TMX3: variants seen among roughly 807,000 people sequenced by gnomAD.
The protein encoded by TMX3 is protein disulfide-isomerase TMX3.
Under a neutral mutation model 64.4 loss-of-function variants are expected in TMX3, and 40 were observed. That is an observed-to-expected ratio of 0.62 (90% CI 0.48 to 0.81). The LOEUF (loss-of-function observed/expected upper bound fraction) is 0.81, where lower values mean the gene tolerates loss of function less well. Ranked by LOEUF, TMX3 falls within the 30% of genes least tolerant of loss-of-function variation. The pLI, the probability that TMX3 is intolerant of heterozygous loss-of-function variation, is 0.00. For synonymous variants in TMX3, 189 were observed against 175.7 expected (o/e 1.08, Z -0.60); for missense variants, 497 against 534.5 (o/e 0.93, Z 0.69).
intron 13 of TMX3, 152 bp downstream of exon 13, chr18:68,682,773 A>G (rs1913562257): frequency 7.3e-6 from 4 of 546,630 alleles, no homozygotes; most frequent in Non-Finnish European, 1.2e-5. Flanking sequence ...AGAATTGGAA[A>G]ACTAAAGTAA....
intron 2 of TMX3, 31 bp downstream of exon 2, chr18:68,713,815 T>A: frequency 8.6e-7 from 1 of 1,156,540 alleles, no homozygotes; most frequent in Non-Finnish European, 1.2e-6. Flanking sequence ...ACAGTTAAAA[T>A]AATATTTTAA....
chr18:68,686,837 A>T, intron 10 of TMX3: 1 of 985,432 alleles, frequency 1.0e-6, no homozygotes, highest in Non-Finnish European at 1.2e-6. Context: ...ACAGAACATT[A>T]AAAGCAAGCT....
chr18:68,684,294 A>G, intron 11 of TMX3, 51 bp from the exon 12 acceptor site: 1 of 1,522,554 alleles, frequency 6.6e-7, no homozygotes, highest in Middle Eastern at 1.7e-4. Flanking sequence ...TGAAAAACAT[A>G]ATTTTTCAAT....
In TMX3 at chr18:68,674,971, T is replaced by C. The variant is rs940419006; in HGVS notation, c.*1962A>G. ...TTGCATTCACACTGAGCTTTACTCT[T>C]TTTTTCCTATTAAGGTCTTTCATTT... is the stretch of plus-strand genomic sequence containing the variant. On this transcript the variant is annotated 3_prime_UTR_variant, in exon 16 of 16. Coordinates refer to ENST00000299608, the MANE Select transcript of TMX3 (RefSeq NM_019022.5). 6.6e-6 allele frequency: 1 copy of C among 152,146 alleles called. No individual in the cohort carries two copies. Among genetic ancestry groups the C allele is most frequent in the Admixed American group, 6.5e-5 (1 of 15,272 alleles). The allele number at this position is 152,146 out of a possible 1,614,324, so 9.4% of individuals were successfully genotyped here.
At chr18:68,686,772 A>G in intron 10 of TMX3, 1 of 985,342 alleles carries the variant, frequency 1.0e-6, no homozygotes. Context: ...TCCAATAATG[A>G]GCTAATACAC....
intron 2 of TMX3, 69 bp downstream of exon 2, chr18:68,713,777 C>T: frequency 2.6e-6 from 2 of 771,360 alleles, no homozygotes; most frequent in Admixed American, 7.4e-5. Context: ...ATTAGAATCA[C>T]ATGCAAATAT....
At position 68,715,030 on chromosome 18, in the gene TMX3, G is replaced by C; in HGVS notation, c.-49C>G. On this transcript the variant is annotated 5_prime_UTR_variant, in exon 1 of 16. Transcript: ENST00000299608. The stretch of plus-strand genomic sequence containing the variant: ...GCTGACTGTGCAAAAGAGGGATAAA[G>C]ACACTGGGGTCCGCCGCCTGCCCGC... The C allele has an allele frequency of 6.4e-7, 1 of 1,552,168 alleles. No individual in the cohort carries two copies. The highest frequency in any genetic ancestry group is 8.7e-7 in the Non-Finnish European group (1 of 1,148,040).
At chr18:68,707,544 A>G (rs2030796662) in intron 4 of TMX3, among the ~76,000 whole-genome samples, 1 of 152,192 alleles carries the variant, frequency 6.6e-6, no homozygotes, top group African/African-American at 2.4e-5. Flanking sequence ...TTAATTATCA[A>G]TGAAGTATTA....
Position 68,676,779 on chromosome 18 carries a change from T to C in TMX3, c.*154A>G, listed in dbSNP as rs1318421239. 4 of 903,386 alleles carry C rather than the reference T, an allele frequency of 4.4e-6. No homozygotes were observed. Among genetic ancestry groups the C allele is most frequent in the South Asian group, 1.8e-5 (1 of 54,748 alleles). 56.0% of individuals were successfully genotyped at this position (903,386 alleles called of 1,614,324 possible). On this transcript the variant is annotated 3_prime_UTR_variant, in exon 16 of 16. Coordinates refer to ENST00000299608, the MANE Select transcript of TMX3 (RefSeq NM_019022.5). Reference sequence around the variant, plus strand: ...TCTCTTTGCTCCAAACACTTCCCCATGTATGGAGGGACTACTTTAATCCAT... The same window carrying C: ...TCTCTTTGCTCCAAACACTTCCCCACGTATGGAGGGACTACTTTAATCCAT...
chr18:68,690,371 G>A (rs1914399866), intron 9 of TMX3, among the ~76,000 whole-genome samples: 1 of 152,156 alleles, frequency 6.6e-6, no homozygotes, highest in African/African-American at 2.4e-5. Flanking sequence ...TAGCAGGAAT[G>A]CTATCAGCTG....
intron 7 of TMX3, chr18:68,697,570 A>C (rs1449981384): frequency 3.0e-6 from 1 of 335,322 alleles, no homozygotes; most frequent in Non-Finnish European, 5.4e-6. Flanking sequence ...TTTAATTATA[A>C]ATTAGACAAA....
intron 15 of TMX3, among the ~76,000 whole-genome samples, chr18:68,678,804 C>G (rs996524466): frequency 1.3e-5 from 2 of 151,644 alleles, no homozygotes; most frequent in Non-Finnish European, 2.9e-5. Context: ...TTACATATAA[C>G]AACTGTGAAT....
chr18:68,696,640 C>T (rs976458725), intron 8 of TMX3, among the ~76,000 whole-genome samples: 2 of 151,724 alleles, frequency 1.3e-5, no homozygotes, highest in African/African-American at 2.4e-5. Context: ...CCATGCCTGG[C>T]TAGTTTTTGT....
intron 4 of TMX3, among the ~76,000 whole-genome samples, chr18:68,704,014 C>CT (rs1268080753): frequency 7.9e-5 from 12 of 152,042 alleles, no homozygotes; most frequent in Non-Finnish European, 1.2e-4. Flanking sequence ...AGTTAGGACT[C>CT]TAACTTCATT....
Position 68,713,862 on chromosome 18 carries a change from C to G in TMX3, c.85G>C (p.Glu29Gln). The change falls in exon 2 of 16, where the codon GAA becomes CAA. Residue 29 changes from glutamate to glutamine, a missense_variant. Transcript: ENST00000299608. ...LDMVVCKGFV[E>Q]DLDESFKENR... ...TATACTCACGATTCATCTAAATCTT[C>G]TACAAATCCTTTACAGACGACCATA... The G allele has an allele frequency of 6.4e-7, 1 of 1,568,106 alleles. No individual in the cohort carries two copies. Among genetic ancestry groups the G allele is most frequent in the Non-Finnish European group, 8.7e-7 (1 of 1,146,132 alleles).
At chr18:68,681,582 G>A in intron 13 of TMX3, 1 of 985,222 alleles carries the variant, frequency 1.0e-6, no homozygotes, top group Non-Finnish European at 1.2e-6. Flanking sequence ...GTAAGGTGAT[G>A]CTACATTTCA....
intron 10 of TMX3, 41 bp from the exon 11 acceptor site, chr18:68,684,526 T>C (rs1376300299): frequency 1.3e-6 from 2 of 1,531,212 alleles, no homozygotes; most frequent in East Asian, 4.5e-5. Context: ...ATCACCCTTA[T>C]TACACAAACT....
chr18:68,679,528 G>C lies in TMX3; in HGVS notation c.1039C>G (p.Gln347Glu). ...NNILDGTVEAQGGDSILQRLK... is the reference protein window; with the variant it reads ...NNILDGTVEAEGGDSILQRLK... ...CTCTGCAAAATGCTATCACCTCCTT[G>C]GGCCTTCAAAAAAGGAAAAGAAAAA... The change falls in exon 15 of 16, where the codon CAA (glutamine) becomes GAA (glutamate). Residue 347 changes from glutamine (Q) to glutamate (E), a missense_variant. Gln to Glu is a conservative substitution (Grantham distance 29, BLOSUM62 2). This residue lies in a region of TMX3 where 43 missense variants were observed against 75.3 expected (regional missense o/e 0.57). Coordinates refer to ENST00000299608, the MANE Select transcript of TMX3 (RefSeq NM_019022.5). 6 of 1,609,368 alleles carry C rather than the reference G, an allele frequency of 3.7e-6. No individual in the cohort carries two copies. The highest frequency in any genetic ancestry group is 3.4e-6 in the Non-Finnish European group (4 of 1,178,254).
rs927146627 is a variant in TMX3, at chr18:68,674,557, C to A, written c.*2376G>T. The stretch of plus-strand genomic sequence containing the variant: ...GAATTAGAATGATACCTATGTTCTT[C>A]CACTAGATTCACTTATTAAGAGATC... On this transcript the variant is annotated 3_prime_UTR_variant, in exon 16 of 16. Transcript: ENST00000299608. The A allele has an allele frequency of 2.0e-5, 3 of 152,052 alleles. No individual in the cohort carries two copies. The highest frequency in any genetic ancestry group is 7.2e-5 in the African/African-American group (3 of 41,406). 9.4% of individuals were successfully genotyped at this position (152,052 alleles called of 1,614,324 possible). A position where few individuals can be genotyped will look rare whatever the true frequency, so the allele number is the denominator to read the frequency against.
Sources: gnomAD v4.1 joint callset for allele counts (sites outside exome capture counted in the v4.1 genomes callset) on GRCh38, gnomAD v4.1.1 for gene constraint, gnomAD v4.1.1 regional missense constraint, MANE v1.5 for transcripts, NCBI Gene and HGNC (gene_info 2026-07-23, HGNC 2026-07-21) for gene names.